The following EFHC1 variants were observed in gnomAD, a reference collection of about 807,000 sequenced individuals.
The protein encoded by EFHC1 is EF-hand domain containing 1, also known as EF-hand domain-containing protein 1.
In EFHC1, 53 loss-of-function variants were observed where a neutral mutation model predicts 69.9. That is an observed-to-expected ratio of 0.76 (90% confidence interval 0.61 to 0.95). The LOEUF (loss-of-function observed/expected upper bound fraction) is 0.95. Ranked by LOEUF, EFHC1 falls within the 40% of genes least tolerant of loss-of-function variation. The probability of loss-of-function intolerance (pLI) is 0.00; values close to 1 mark genes in which losing one functional copy is unlikely to be tolerated. For missense variants in EFHC1, 739 were observed against 798.7 expected (o/e 0.93, Z 0.90); for synonymous variants, 256 against 278.4 (o/e 0.92, Z 0.80).
chr6:52,477,286 T>C (rs959410441), intron 7 of EFHC1, among the ~76,000 whole-genome samples: 2 of 152,196 alleles, frequency 1.3e-5, no homozygotes, highest in African/African-American at 2.4e-5. Flanking sequence ...TGGAGACTAT[T>C]AGATGAAGGA....
At position 52,490,174 on chromosome 6, in the gene EFHC1, T is replaced by C. The variant is rs145194882; in HGVS notation, c.1675T>C (p.Leu559=). ...TGAAAAGGATCCAGGCGTGCAGGAATTGGAAGCATTAATAGACACAATTCA... is the reference window on the plus strand; with the variant it reads ...TGAAAAGGATCCAGGCGTGCAGGAACTGGAAGCATTAATAGACACAATTCA... ...QTEKDPGVQE[L]EALIDTIQKQ... Residue 559 remains leucine (L), a synonymous_variant, in exon 10 of 11, where the codon TTG becomes CTG. Transcript: ENST00000371068. 438 of 1,613,902 alleles carry C rather than the reference T, an allele frequency of 2.7e-4. No homozygotes were observed. Among genetic ancestry groups the C allele is most frequent in the Non-Finnish European group, 3.3e-4 (384 of 1,179,962 alleles).
chr6:52,424,124 C>G lies in EFHC1; in HGVS notation c.242C>G (p.Pro81Arg). The change falls in exon 2 of 11, where the codon CCA becomes CGA. Residue 81 changes from proline (P) to arginine (R), a missense_variant. Transcript: ENST00000371068. ...ACTTATGGCCAACCTAAACAAGCCC[C>G]ACCTGCGGATTTTATTCCTGCGCAT... ...VLTYGQPKQAPPADFIPAHVA... is the reference protein window; with the variant it reads ...VLTYGQPKQARPADFIPAHVA... 6.2e-7 allele frequency: 1 copy of G among 1,614,142 alleles called. No individual in the cohort carries two copies. The highest frequency in any genetic ancestry group is 8.5e-7 in the Non-Finnish European group (1 of 1,179,996).
intron 7 of EFHC1, among the ~76,000 whole-genome samples, chr6:52,477,075 C>A (rs534312737): frequency 1.3e-5 from 2 of 152,182 alleles, no homozygotes; most frequent in East Asian, 3.9e-4. Context: ...TTATAGTACT[C>A]TTTCCTGCCA....
intron 2 of EFHC1, among the ~76,000 whole-genome samples, chr6:52,436,676 C>T (rs1374369756): frequency 1.3e-5 from 2 of 152,278 alleles, no homozygotes; most frequent in African/African-American, 4.8e-5. Flanking sequence ...GAGTTTCACT[C>T]TGTCACCCAC....
At chr6:52,479,612 G>C in intron 8 of EFHC1, 28 bp from the exon 9 acceptor site, 1 of 1,614,170 alleles carries the variant, frequency 6.2e-7, no homozygotes, top group Non-Finnish European at 8.5e-7. Flanking sequence ...ACATCACCAA[G>C]CTAAGTGTGT....
At chr6:52,448,300 G>A (rs1056939440) in intron 3 of EFHC1, among the ~76,000 whole-genome samples, 15 of 152,224 alleles carry the variant, frequency 9.9e-5, no homozygotes, top group African/African-American at 2.2e-4. Flanking sequence ...CCTCGCTGCC[G>A]CCTTGCAGTT....
intron 2 of EFHC1, among the ~76,000 whole-genome samples, chr6:52,429,115 A>G (rs1250788638): frequency 6.6e-6 from 1 of 152,098 alleles, no homozygotes; most frequent in Non-Finnish European, 1.5e-5. Context: ...TGTATAGATT[A>G]TGAAGATTTT....
chr6:52,494,183 C>A lies in EFHC1; in HGVS notation c.*1842C>A, dbSNP rs1301308241. ...CACAAGTTGAAAACACATTTAATAA[C>A]CCTGATAAGCCCATTGTAAAGTAGG... On this transcript the variant is annotated 3_prime_UTR_variant, in exon 11 of 11. Transcript: ENST00000371068. The A allele has an allele frequency of 2.2e-6, 1 of 453,968 alleles. No homozygotes were observed. Among genetic ancestry groups the A allele is most frequent in the South Asian group, 1.6e-5 (1 of 64,482 alleles). The allele number at this position is 453,968 out of a possible 1,614,324, so 28.1% of individuals were successfully genotyped here.
chr6:52,481,324 G>A (rs1454742783), intron 9 of EFHC1, among the ~76,000 whole-genome samples: 1 of 152,094 alleles, frequency 6.6e-6, no homozygotes, highest in Non-Finnish European at 1.5e-5. Context: ...TGCCTTCTTT[G>A]TTGGTTGGGG....
In EFHC1 at chr6:52,435,002, A is replaced by G. The variant is rs148915105; in HGVS notation, c.286-3302A>G. Among the ~76,000 whole-genome samples the G allele has an allele frequency of 6.0e-3, 915 of 151,938 alleles. 10 individuals carry two copies. Among genetic ancestry groups the G allele is most frequent in the African/African-American group, 0.021 (850 of 41,430 alleles). On this transcript the variant is annotated intron_variant, in intron 2 of 10. Coordinates refer to ENST00000371068, the MANE Select transcript of EFHC1 (RefSeq NM_018100.4). ...GCCATAGGCATTTTCATGCCCACCA[A>G]TCTTAGAAAACAGATGGTTTGGGAG... is the stretch of plus-strand genomic sequence containing the variant.
chr6:52,465,663 C>T (rs899024990), intron 6 of EFHC1, among the ~76,000 whole-genome samples: 32 of 151,176 alleles, frequency 2.1e-4, no homozygotes, highest in African/African-American at 4.4e-4. Context: ...AAAAATTAGC[C>T]GAGTGTAGTG....
chr6:52,484,773 G>A (rs1475079026), intron 9 of EFHC1, among the ~76,000 whole-genome samples: 2 of 152,160 alleles, frequency 1.3e-5, no homozygotes, highest in African/African-American at 4.8e-5. Context: ...ATTCTGGTAG[G>A]TGGGTAGATA....
At chr6:52,487,509 A>C (rs930954944) in intron 9 of EFHC1, 1 of 152,224 alleles carries the variant, frequency 6.6e-6, no homozygotes, top group African/African-American at 2.4e-5. Flanking sequence ...GTCTTTGTCC[A>C]TCTGAGCCAC....
At chr6:52,449,189 C>A (rs1393431091) in intron 3 of EFHC1, among the ~76,000 whole-genome samples, 5 of 152,100 alleles carry the variant, frequency 3.3e-5, no homozygotes, top group African/African-American at 1.2e-4. Flanking sequence ...CGAGACCATC[C>A]TGGCTAACAC....
chr6:52,453,222 A>C (rs894869969), intron 4 of EFHC1: 1 of 1,294,484 alleles, frequency 7.7e-7, no homozygotes, highest in Non-Finnish European at 1.0e-6. Context: ...AATTTCACAA[A>C]TATGCATACA....
chr6:52,475,686 A>G (rs936483988), intron 7 of EFHC1, among the ~76,000 whole-genome samples: 8 of 152,236 alleles, frequency 5.3e-5, no homozygotes, highest in African/African-American at 1.9e-4. Context: ...CTTTTAATGC[A>G]CAAACTATAT....
rs1218368055 is a variant in EFHC1, at chr6:52,469,364, TG to T, written c.1171del (p.Glu391LysfsTer24). ...ELPPYNGFGLVEDSAQNCFAL... is the reference protein window; with the variant it reads ...ELPPYNGFGLXEDSAQNCFAL... ...CCTCCTTATAACGGTTTTGGACTAG[TG>T]GAAGATTCTGCTCAGAATTGTTTTG... On this transcript the variant is annotated frameshift_variant, in exon 7 of 11. Transcript: ENST00000371068. LOFTEE classifies it high-confidence loss of function. 10 of 1,613,916 alleles carry T rather than the reference TG, an allele frequency of 6.2e-6. No homozygotes were observed. Among genetic ancestry groups the T allele is most frequent in the Non-Finnish European group, 7.6e-6 (9 of 1,179,936 alleles).
chr6:52,472,819 A>G (rs886672375), intron 7 of EFHC1, among the ~76,000 whole-genome samples: 1 of 152,124 alleles, frequency 6.6e-6, no homozygotes, highest in Non-Finnish European at 1.5e-5. Flanking sequence ...TAGGTGTTAC[A>G]TATCTTTTAG....
chr6:52,426,204 C>A lies in EFHC1; in HGVS notation c.285+2037C>A, dbSNP rs559183311. ...GACTGTCAAATCACTTACAATCTGACTTCTCCCTACCCACAGCCCCAGAAT... is the reference window on the plus strand; with the variant it reads ...GACTGTCAAATCACTTACAATCTGAATTCTCCCTACCCACAGCCCCAGAAT... On this transcript the variant is annotated intron_variant, in intron 2 of 10. Transcript: ENST00000371068. Among the ~76,000 whole-genome samples the A allele has an allele frequency of 3.9e-5, 6 of 152,306 alleles. No homozygotes were observed. In the East Asian group the frequency reaches 9.6e-4, roughly 24 times the overall value.
Sources: allele counts gnomAD v4.1 joint callset (sites outside exome capture counted in the v4.1 genomes callset), GRCh38; gene constraint gnomAD v4.1.1; transcripts MANE v1.5; gene names NCBI Gene and HGNC (gene_info 2026-07-23, HGNC 2026-07-21).